The following AGBL4 variants were observed in gnomAD, a reference collection of about 807,000 sequenced individuals.
AGBL4 encodes the protein AGBL carboxypeptidase 4.
In AGBL4, 58 loss-of-function variants were observed where a neutral mutation model predicts 66.4. The ratio of observed to expected loss-of-function variants is 0.87; its 90% CI spans 0.71 to 1.09. The LOEUF is 1.09. Among genes scored for constraint, AGBL4 ranks in the 50% least tolerant of loss-of-function variants. The pLI is 0.00. For missense variants in AGBL4, 579 were observed against 631.0 expected, an observed-to-expected ratio of 0.92 and a Z score of 0.88; for synonymous variants, 234 against 222.9, an observed-to-expected ratio of 1.05 and a Z score of -0.44.
In AGBL4 at chr1:49,113,094, G is replaced by A. The variant is rs1363400087; in HGVS notation, c.378-67294C>T. ...GCCTCCTGAGTAGCTGGGACTACAG[G>A]CGCCTGCCACCACGCCTGGCTAATT... On this transcript the variant is annotated intron_variant, in intron 4 of 13. Transcript: ENST00000371839. 2.0e-5 allele frequency among the ~76,000 whole-genome samples: 3 copies of A among 151,968 alleles called. No individual in the cohort carries two copies. In the East Asian group the frequency reaches 5.8e-4, roughly 29 times the overall value.
intron 3 of AGBL4, among the ~76,000 whole-genome samples, chr1:49,644,118 G>A (rs1369144993): frequency 2.6e-5 from 4 of 151,422 alleles, no homozygotes; most frequent in African/African-American, 9.7e-5. Flanking sequence ...ACAATAAGTG[G>A]CATAATATTA....
At position 49,395,533 on chromosome 1, in the gene AGBL4, AGTGTGT is replaced by A. The variant is rs149386987; in HGVS notation, c.283-149675_283-149670del. 7.5e-3 allele frequency among the ~76,000 whole-genome samples: 1,045 copies of A among 139,404 alleles called. 9 individuals are homozygous for A. The highest frequency in any genetic ancestry group is 0.022 in the African/African-American group (817 of 37,886). 91.5% of individuals were successfully genotyped at this position (139,404 alleles called of 152,430 possible). A position where few individuals can be genotyped will look rare whatever the true frequency, so the allele number is the denominator to read the frequency against. On this transcript the variant is annotated intron_variant, in intron 3 of 13. Transcript: ENST00000371839. Reference sequence around the variant, plus strand: ...TAATGTTAAAATTTTGCCAAACACTAGTGTGTGTGTGTGTGTGTGTGTGTGTGTGTG... The same window carrying A: ...TAATGTTAAAATTTTGCCAAACACTAGTGTGTGTGTGTGTGTGTGTGTGTG...
intron 6 of AGBL4, among the ~76,000 whole-genome samples, chr1:48,755,094 C>T (rs566481176): frequency 1.3e-5 from 2 of 152,292 alleles, no homozygotes; most frequent in Middle Eastern, 3.4e-3. Flanking sequence ...AAGACGTGTA[C>T]GATTCAGTGA....
At chr1:48,684,982 T>C (rs540439682) in intron 6 of AGBL4, among the ~76,000 whole-genome samples, 2 of 152,290 alleles carry the variant, frequency 1.3e-5, no homozygotes, top group African/African-American at 4.8e-5. Flanking sequence ...GGAGGAGCTC[T>C]GAAGGCAAAT....
intron 1 of AGBL4, among the ~76,000 whole-genome samples, chr1:49,955,320 C>T (rs1197771311): frequency 6.6e-6 from 1 of 151,946 alleles, no homozygotes; most frequent in Non-Finnish European, 1.5e-5. Context: ...CACTATAAAA[C>T]AATCCATTTG....
intron 5 of AGBL4, among the ~76,000 whole-genome samples, chr1:48,954,505 T>C (rs555868707): frequency 6.6e-6 from 1 of 152,372 alleles, no homozygotes; most frequent in East Asian, 1.9e-4. Context: ...AGCAACTTTT[T>C]GTATTCTTCT....
chr1:48,681,408 T>G (rs1386039818), intron 6 of AGBL4, among the ~76,000 whole-genome samples: 1 of 152,124 alleles, frequency 6.6e-6, no homozygotes, highest in Non-Finnish European at 1.5e-5. Flanking sequence ...GCTTTCAAAT[T>G]TTTGGCCCAG....
chr1:49,458,835 T>C (rs557385691), intron 3 of AGBL4, among the ~76,000 whole-genome samples: 1 of 151,998 alleles, frequency 6.6e-6, no homozygotes, highest in East Asian at 1.9e-4. Flanking sequence ...TTTTTGTTTT[T>C]AATTGTGTTA....
At chr1:49,428,644 A>T (rs972427922) in intron 3 of AGBL4, among the ~76,000 whole-genome samples, 1 of 152,216 alleles carries the variant, frequency 6.6e-6, no homozygotes, top group African/African-American at 2.4e-5. Flanking sequence ...GATTATTAAG[A>T]TGCAAAAATA....
At chr1:49,929,452 G>GA (rs925956653) in intron 1 of AGBL4, among the ~76,000 whole-genome samples, 5 of 151,682 alleles carry the variant, frequency 3.3e-5, no homozygotes, top group Admixed American at 6.6e-5. Context: ...AGTAGTGAAA[G>GA]AAAAAAATAA....
intron 6 of AGBL4, among the ~76,000 whole-genome samples, chr1:48,858,829 G>A (rs958200199): frequency 1.3e-5 from 2 of 152,020 alleles, no homozygotes; most frequent in African/African-American, 4.8e-5. Context: ...TATGGCATGT[G>A]AATTATATCT....
At chr1:49,444,907 T>G (rs1646118604) in intron 3 of AGBL4, among the ~76,000 whole-genome samples, 1 of 152,082 alleles carries the variant, frequency 6.6e-6, no homozygotes, top group East Asian at 1.9e-4. Context: ...TTTGCATCCT[T>G]TCTCTTCTTC....
chr1:49,937,894 G>A (rs1374241844), intron 1 of AGBL4, among the ~76,000 whole-genome samples: 1 of 152,010 alleles, frequency 6.6e-6, no homozygotes, highest in East Asian at 1.9e-4. Context: ...GAGAAAGCAG[G>A]AAAGATCCAA....
chr1:48,841,550 TC>T (rs1646803509), intron 6 of AGBL4, among the ~76,000 whole-genome samples: 1 of 151,766 alleles, frequency 6.6e-6, no homozygotes, highest in Admixed American at 6.6e-5. Flanking sequence ...AGGAAACAGC[TC>T]CCCGCCCTCC....
chr1:49,549,194 A>G (rs1047611112), intron 3 of AGBL4, among the ~76,000 whole-genome samples: 1 of 149,896 alleles, frequency 6.7e-6, no homozygotes, highest in African/African-American at 2.4e-5. Context: ...TTCTTGGTTA[A>G]TCTTGCTAAT....
Position 49,970,708 on chromosome 1 carries a change from A to AACACACAC in AGBL4, c.34+53047_34+53054dup, listed in dbSNP as rs373722460. Among the ~76,000 whole-genome samples the AACACACAC allele has an allele frequency of 8.0e-3, 911 of 113,976 alleles. 7 individuals carry two copies. Among genetic ancestry groups the AACACACAC allele is most frequent in the East Asian group, 0.037 (134 of 3,598 alleles). The allele number at this position is 113,976 out of a possible 152,430, so 74.8% of individuals were successfully genotyped here. A position where few individuals can be genotyped will look rare whatever the true frequency, so the allele number is the denominator to read the frequency against. ...ACGACTCCGACTCAAAAAAAAACAA[A>AACACACAC]ACACACACACACACACACACACACA... On this transcript the variant is annotated intron_variant, in intron 1 of 13. Coordinates refer to ENST00000371839, the MANE Select transcript of AGBL4 (RefSeq NM_032785.4).
intron 5 of AGBL4, among the ~76,000 whole-genome samples, chr1:48,969,093 TCTCC>T (rs1013838174): frequency 8.3e-5 from 8 of 96,946 alleles, no homozygotes; most frequent in East Asian, 3.3e-4. Context: ...TCCCTCCCTC[TCTCC>T]CTCCCTCCCT....
chr1:49,804,410 T>C (rs1314450508), intron 2 of AGBL4, among the ~76,000 whole-genome samples: 2 of 152,142 alleles, frequency 1.3e-5, no homozygotes, highest in Non-Finnish European at 2.9e-5. Flanking sequence ...ATTCTCTAAG[T>C]ACAGTATACA....
At chr1:48,861,309 G>A (rs1647445886) in intron 6 of AGBL4, among the ~76,000 whole-genome samples, 1 of 152,158 alleles carries the variant, frequency 6.6e-6, no homozygotes, top group Non-Finnish European at 1.5e-5. Flanking sequence ...TTGTTGAAGA[G>A]AGTCAAAGGA....
Sources: allele counts gnomAD v4.1 joint callset (sites outside exome capture counted in the v4.1 genomes callset), GRCh38; gene constraint gnomAD v4.1.1; transcripts MANE v1.5; gene names NCBI Gene and HGNC (gene_info 2026-07-23, HGNC 2026-07-21).